The following ARHGEF10 variants were observed in gnomAD, a reference collection of about 807,000 sequenced individuals.
ARHGEF10 encodes the protein Rho guanine nucleotide exchange factor 10, also known as Rho guanine nucleotide exchange factor (GEF) 10.
Under a neutral mutation model 147.4 loss-of-function variants are expected in ARHGEF10, and 140 were observed. The observed-to-expected ratio is 0.95, with a 90% CI of 0.83 to 1.09. The LOEUF (loss-of-function observed/expected upper bound fraction) is 1.09. Among genes scored for constraint, ARHGEF10 ranks in the 50% least tolerant of loss-of-function variants. The pLI is 0.00. For synonymous variants in ARHGEF10, 902 were observed against 695.8 expected, an observed-to-expected ratio of 1.30 and a Z score of -4.67; for missense variants, 2,222 against 1,752.7, an observed-to-expected ratio of 1.27 and a Z score of -4.78.
intron 10 of ARHGEF10, among the ~76,000 whole-genome samples, chr8:1,884,018 A>G (rs1447476358): frequency 6.6e-6 from 1 of 152,200 alleles, no homozygotes; most frequent in African/African-American, 2.4e-5. Context: ...GCCCGGAGTC[A>G]GCCCCTGGGA....
intron 16 of ARHGEF10, 73 bp downstream of exon 16, chr8:1,903,524 C>A: frequency 1.3e-6 from 2 of 1,569,800 alleles, no homozygotes; most frequent in Non-Finnish European, 1.7e-6. Flanking sequence ...CGTTGTCCAG[C>A]AATACTAATC....
chr8:1,885,416 C>G (rs1456310698), intron 10 of ARHGEF10, among the ~76,000 whole-genome samples, 185 bp from the exon 11 acceptor site: 1 of 152,062 alleles, frequency 6.6e-6, no homozygotes, highest in East Asian at 1.9e-4. Context: ...TATTGTATTA[C>G]CCTCTGGAAA....
chr8:1,885,357 C>T (rs749035994), intron 10 of ARHGEF10, among the ~76,000 whole-genome samples: 5 of 152,146 alleles, frequency 3.3e-5, no homozygotes, highest in Admixed American at 6.5e-5. Flanking sequence ...TGGCACTTCT[C>T]CTTTTTGAAG....
At chr8:1,844,544 C>T (rs549261143) in intron 2 of ARHGEF10, among the ~76,000 whole-genome samples, 9 of 152,188 alleles carry the variant, frequency 5.9e-5, no homozygotes, top group South Asian at 4.1e-4. Context: ...CGGGGGTCTG[C>T]GGTGGGGAAC....
chr8:1,860,748 G>GT (rs1806062263), intron 4 of ARHGEF10, among the ~76,000 whole-genome samples: 1 of 152,182 alleles, frequency 6.6e-6, no homozygotes, highest in African/African-American at 2.4e-5. Flanking sequence ...AGTGTGTGCA[G>GT]TTTTTGGCCT....
At chr8:1,951,918 G>GCCACCGTGAGGCGGGGTCTTCCTGTAA (rs1815083200) in intron 27 of ARHGEF10, among the ~76,000 whole-genome samples, 1 of 135,404 alleles carries the variant, frequency 7.4e-6, no homozygotes, top group Non-Finnish European at 1.7e-5. Context: ...CTTCCTTGTA[G>GCCACCGTGAGGCGGGGTCTTCCTGTAA]CCACCGTGAG....
At chr8:1,867,341 A>G (rs1806711057) in intron 6 of ARHGEF10, among the ~76,000 whole-genome samples, 1 of 152,230 alleles carries the variant, frequency 6.6e-6, no homozygotes. Context: ...ACAAAAACAC[A>G]ATTTTTGGTC....
intron 25 of ARHGEF10, among the ~76,000 whole-genome samples, chr8:1,930,732 CG>C (rs1430728327): frequency 6.6e-6 from 1 of 152,254 alleles, no homozygotes; most frequent in Non-Finnish European, 1.5e-5. Context: ...GAGGCTCTCT[CG>C]ACCTGCTCCA....
At chr8:1,848,727 A>T (rs1293247392) in intron 2 of ARHGEF10, among the ~76,000 whole-genome samples, 1 of 152,198 alleles carries the variant, frequency 6.6e-6, no homozygotes, top group Non-Finnish European at 1.5e-5. Flanking sequence ...CCTCTGGGAG[A>T]TTAGTACTGT....
chr8:1,922,630 G>C (rs1812382043), intron 18 of ARHGEF10, among the ~76,000 whole-genome samples: 1 of 152,190 alleles, frequency 6.6e-6, no homozygotes, highest in Non-Finnish European at 1.5e-5. Context: ...GAGGTTTGAA[G>C]ACGGTCTGTA....
chr8:1,956,980 C>A lies in ARHGEF10; in HGVS notation c.3752C>A (p.Thr1251Asn), dbSNP rs1815626017. 3.1e-6 allele frequency: 5 copies of A among 1,614,066 alleles called. No individual in the cohort carries two copies. Among genetic ancestry groups the A allele is most frequent in the Non-Finnish European group, 4.2e-6 (5 of 1,180,052 alleles). ...IWLGDSLGSM[T>N]QKSDLSSSSG... ...TTGGGAGATTCGCTGGGATCGATGA[C>A]TCAGAAAAGCGACCTGTCCTCCTCA... Residue 1251 changes from threonine (T) to asparagine (N), a missense_variant, in exon 29 of 29, where the codon ACT becomes AAT. Transcript: ENST00000349830.
intron 2 of ARHGEF10, among the ~76,000 whole-genome samples, chr8:1,846,710 G>A (rs1385416120): frequency 1.3e-5 from 2 of 152,238 alleles, no homozygotes; most frequent in Non-Finnish European, 2.9e-5. Flanking sequence ...CTGAGTAGCT[G>A]GGATTATAGA....
At chr8:1,860,935 C>G (rs1280946992) in intron 4 of ARHGEF10, among the ~76,000 whole-genome samples, 1 of 152,186 alleles carries the variant, frequency 6.6e-6, no homozygotes, top group African/African-American at 2.4e-5. Context: ...CCCACTCATG[C>G]TTTTCCTCGC....
intron 1 of ARHGEF10, among the ~76,000 whole-genome samples, chr8:1,832,032 G>C (rs1465771667): frequency 6.6e-6 from 1 of 152,212 alleles, no homozygotes; most frequent in Admixed American, 6.5e-5. Flanking sequence ...ACAGGAGTCT[G>C]TGGAATGCGG....
rs146139864 is a variant in ARHGEF10, at chr8:1,857,975, A to G, written c.53A>G (p.Tyr18Cys). ...PPAPAENEMK[Y>C]DTNNNEEEEG... ...TTCTTTTTAGAAAATGAAATGAAATATGATACCAATAATAATGAAGAGGAA... is the reference window on the plus strand; with the variant it reads ...TTCTTTTTAGAAAATGAAATGAAATGTGATACCAATAATAATGAAGAGGAA... Residue 18 changes from tyrosine to cysteine, a missense_variant, in exon 3 of 29, where the codon TAT becomes TGT. Coordinates refer to ENST00000349830, the MANE Select transcript of ARHGEF10 (RefSeq NM_014629.4). The G allele has an allele frequency of 1.1e-5, 17 of 1,613,848 alleles. No individual in the cohort carries two copies. Among genetic ancestry groups the G allele is most frequent in the East Asian group, 2.2e-5 (1 of 44,884 alleles).
At chr8:1,826,832 A>C (rs1802800227) in intron 1 of ARHGEF10, among the ~76,000 whole-genome samples, 1 of 152,250 alleles carries the variant, frequency 6.6e-6, no homozygotes, top group South Asian at 2.1e-4. Context: ...TGCGTTGCTT[A>C]TAGTTTGCCT....
chr8:1,859,746 C>G (rs1290389570), intron 3 of ARHGEF10, 151 bp from the exon 4 acceptor site: 1 of 918,938 alleles, frequency 1.1e-6, no homozygotes, highest in Non-Finnish European at 1.7e-6. Flanking sequence ...AGTGCTCCCT[C>G]CGAGGCCACC....
chr8:1,884,744 GT>G (rs1375011161), intron 10 of ARHGEF10, among the ~76,000 whole-genome samples: 1 of 152,114 alleles, frequency 6.6e-6, no homozygotes, highest in Non-Finnish European at 1.5e-5. Flanking sequence ...AGTTAGCTGT[GT>G]TTTAAAAAAA....
chr8:1,952,671 C>T lies in ARHGEF10; in HGVS notation c.3398-34C>T, dbSNP rs749021912. The T allele has an allele frequency of 1.9e-6, 3 of 1,612,416 alleles. No homozygotes were observed. The South Asian group carries it at 3.3e-5, about 18-fold the overall frequency. ...CGCCCCACCAACTCTGCTACACAAACCAGACCCGAAGCCACTCATGTCTTT... is the reference window on the plus strand; with the variant it reads ...CGCCCCACCAACTCTGCTACACAAATCAGACCCGAAGCCACTCATGTCTTT... On this transcript the variant is annotated intron_variant, in intron 27 of 28. Coordinates refer to ENST00000349830, the MANE Select transcript of ARHGEF10 (RefSeq NM_014629.4).
Sources: gnomAD v4.1 joint callset for allele counts (sites outside exome capture counted in the v4.1 genomes callset) on GRCh38, gnomAD v4.1.1 for gene constraint, MANE v1.5 for transcripts, NCBI Gene and HGNC (gene_info 2026-07-23, HGNC 2026-07-21) for gene names.